Variants in CARF observed in about 807,000 individuals in gnomAD.
CARF encodes the protein calcium-responsive transcription factor.
In CARF, 57 loss-of-function variants were observed where a neutral mutation model predicts 82.0. The observed-to-expected ratio is 0.70, with a 90% CI of 0.56 to 0.87. CARF has a LOEUF of 0.87. Among genes scored for constraint, CARF ranks in the 40% least tolerant of loss-of-function variants. The probability of loss-of-function intolerance (pLI) is 0.00; values close to 1 mark genes in which losing one functional copy is unlikely to be tolerated. For synonymous variants in CARF, 268 were observed against 290.1 expected, an observed-to-expected ratio of 0.92 and a Z score of 0.77; for missense variants, 771 against 855.8, an observed-to-expected ratio of 0.90 and a Z score of 1.24.
At chr2:202,935,232 ATATATTATATATTTG>A (rs1347606181) in intron 3 of CARF, among the ~76,000 whole-genome samples, 2 of 142,454 alleles carry the variant, frequency 1.4e-5, no homozygotes, top group East Asian at 2.0e-4. Flanking sequence ...ATACTAATAT[ATATATTATATATTTG>A]TATATTATAT....
chr2:202,953,020 A>G (rs1252990611), intron 6 of CARF, among the ~76,000 whole-genome samples: 2 of 152,004 alleles, frequency 1.3e-5, no homozygotes, highest in Non-Finnish European at 2.9e-5. Context: ...GTTTTTATTT[A>G]TATCTTTTTT....
intron 8 of CARF, among the ~76,000 whole-genome samples, chr2:202,960,788 T>TCCCTCCCC (rs2059285844): frequency 7.1e-6 from 1 of 140,444 alleles, no homozygotes; most frequent in Admixed American, 7.2e-5. Context: ...CTTCCCTCCC[T>TCCCTCCCC]CCCTCCTTCC....
At chr2:202,917,236 A>AAAAC (rs1689893086) in intron 1 of CARF, among the ~76,000 whole-genome samples, 2 of 149,966 alleles carry the variant, frequency 1.3e-5, no homozygotes, top group South Asian at 2.1e-4. Flanking sequence ...AAAAAAAAAA[A>AAAAC]GCGCTGAGCT....
rs1338477484 is a variant in CARF at position 202,982,165 on chromosome 2, C to G, written c.1783C>G (p.Leu595Val). The change falls in exon 16 of 17, where the codon CTG (leucine) becomes GTG (valine). Residue 595 changes from leucine to valine, a missense_variant. Coordinates refer to ENST00000438828, the MANE Select transcript of CARF (RefSeq NM_024744.17). ...GCCGTCCTCTAGTCCTTCAGGACTTCTGGATACAATAGGAAGTGCTGTAAT... is the reference window on the plus strand; with the variant it reads ...GCCGTCCTCTAGTCCTTCAGGACTTGTGGATACAATAGGAAGTGCTGTAAT... ...NQPSSSPSGL[L>V]DTIGSAVMNN... is the part of the protein sequence containing the mutation. The G allele has an allele frequency of 6.2e-7, 1 of 1,614,158 alleles. No homozygotes were observed.
intron 9 of CARF, 116 bp from the exon 10 acceptor site, chr2:202,966,862 C>A: frequency 1.1e-6 from 1 of 925,576 alleles, no homozygotes. Flanking sequence ...TGTTTTCTTT[C>A]CTTAAAGCTG....
At chr2:202,920,533 A>T (rs1420776571) in intron 2 of CARF, among the ~76,000 whole-genome samples, 3 of 152,098 alleles carry the variant, frequency 2.0e-5, no homozygotes, top group African/African-American at 4.8e-5. Flanking sequence ...ATATTAAGAA[A>T]TTTTTTTGAT....
In CARF at chr2:202,986,753, T is replaced by G. The variant is rs1434235392; in HGVS notation, c.*3129T>G. On this transcript the variant is annotated 3_prime_UTR_variant, in exon 17 of 17. Transcript: ENST00000438828. The stretch of plus-strand genomic sequence containing the variant: ...TTTCTAATTCTGAGACCCACCAGCT[T>G]GTGTTTCATCTTCTTTATATCCTGT... 6.6e-6 allele frequency: 1 copy of G among 150,856 alleles called. No individual in the cohort carries two copies. Among genetic ancestry groups the G allele is most frequent in the Non-Finnish European group, 1.5e-5 (1 of 67,662 alleles). The allele number at this position is 150,856 out of a possible 1,614,324, so 9.3% of individuals were successfully genotyped here. A position where few individuals can be genotyped will look rare whatever the true frequency, so the allele number is the denominator to read the frequency against.
chr2:202,914,743 C>T (rs968771006), intron 1 of CARF, among the ~76,000 whole-genome samples: 6 of 138,690 alleles, frequency 4.3e-5, no homozygotes, highest in African/African-American at 1.4e-4. Context: ...CACGCCACTT[C>T]ACTCCAGCCT....
intron 8 of CARF, among the ~76,000 whole-genome samples, chr2:202,956,207 A>T (rs1326378833): frequency 1.3e-5 from 2 of 152,042 alleles, no homozygotes; most frequent in Non-Finnish European, 2.9e-5. Context: ...ATCTACAAAA[A>T]TGATTTTCAA....
At chr2:202,925,239 T>C in intron 3 of CARF, 2 of 367,792 alleles carry the variant, frequency 5.4e-6, no homozygotes, top group South Asian at 4.7e-5. Context: ...AGGATATGAA[T>C]GTAGCTTACA....
intron 12 of CARF, among the ~76,000 whole-genome samples, chr2:202,973,055 C>A (rs999142160): frequency 8.5e-5 from 13 of 152,136 alleles, no homozygotes; most frequent in Admixed American, 3.3e-4. Context: ...CAAGCCACTG[C>A]ACCTGATTCG....
Position 202,918,965 on chromosome 2 carries a change from T to A in CARF, c.-163+922T>A, listed in dbSNP as rs571776486. ...TTATTCCATTGGCAAAATCTCAATATGGGCAAAATTCTGCAGTAGGTGGTT... is the reference window on the plus strand; with the variant it reads ...TTATTCCATTGGCAAAATCTCAATAAGGGCAAAATTCTGCAGTAGGTGGTT... On this transcript the variant is annotated intron_variant, in intron 2 of 16. Coordinates refer to ENST00000438828, the MANE Select transcript of CARF (RefSeq NM_024744.17). 4.7e-4 allele frequency among the ~76,000 whole-genome samples: 71 copies of A among 152,312 alleles called. 2 individuals carry two copies. The South Asian group carries it at 0.014, about 31-fold the overall frequency.
At chr2:202,934,660 GTCC>G (rs1453446637) in intron 3 of CARF, 1 of 152,172 alleles carries the variant, frequency 6.6e-6, no homozygotes, top group Non-Finnish European at 1.5e-5. Flanking sequence ...TCAACATGTT[GTCC>G]GGGCTCGTCT....
chr2:202,950,941 T>C (rs903558920), intron 5 of CARF, among the ~76,000 whole-genome samples: 15 of 152,206 alleles, frequency 9.9e-5, no homozygotes, highest in African/African-American at 2.9e-4. Flanking sequence ...TTTTGGGAAC[T>C]ATCTATGATT....
intron 9 of CARF, among the ~76,000 whole-genome samples, chr2:202,965,229 A>G (rs978072610): frequency 6.6e-6 from 1 of 152,066 alleles, no homozygotes; most frequent in African/African-American, 2.4e-5. Context: ...ATTTTCTGTA[A>G]ACAGGTCTAG....
chr2:202,954,247 T>G, intron 7 of CARF, 113 bp downstream of exon 7: 84 of 1,104,136 alleles, frequency 7.6e-5, no homozygotes, highest in Middle Eastern at 2.1e-4. Context: ...TAGAAGGAAC[T>G]ATCATTGAAT....
intron 9 of CARF, among the ~76,000 whole-genome samples, chr2:202,963,996 T>C (rs2059432950): frequency 6.6e-6 from 1 of 152,178 alleles, no homozygotes; most frequent in Non-Finnish European, 1.5e-5. Flanking sequence ...TAGAGACCCC[T>C]GTTATAGCCA....
At chr2:202,969,846 C>A in intron 10 of CARF, 73 bp from the exon 11 acceptor site, 1 of 1,000,628 alleles carries the variant, frequency 1.0e-6, no homozygotes, top group Non-Finnish European at 1.4e-6. Flanking sequence ...TTAAAGTAGA[C>A]TTCTGGTTGA....
At chr2:202,937,890 G>A (rs1354265462) in intron 3 of CARF, among the ~76,000 whole-genome samples, 1 of 150,890 alleles carries the variant, frequency 6.6e-6, no homozygotes, top group African/African-American at 2.4e-5. Flanking sequence ...CTCCCAAAGT[G>A]CAGGGATTAT....
Sources: allele counts gnomAD v4.1 joint callset (sites outside exome capture counted in the v4.1 genomes callset), GRCh38; gene constraint gnomAD v4.1.1; transcripts MANE v1.5; gene names NCBI Gene and HGNC (gene_info 2026-07-23, HGNC 2026-07-21).